Variants in CCDC163 observed in about 807,000 individuals in gnomAD.
CCDC163 encodes the protein transmembrane protein CCDC163.
In CCDC163, 13 loss-of-function variants were observed where a neutral mutation model predicts 8.2. The observed-to-expected ratio is 1.59, with a 90% confidence interval of 1.04 to 2.54. The LOEUF (loss-of-function observed/expected upper bound fraction) is 2.54, where lower values mean the gene tolerates loss of function less well. CCDC163 is among the 30% of genes most tolerant of loss of function. The pLI, the probability that CCDC163 is intolerant of heterozygous loss-of-function variation, is 0.00. For synonymous variants in CCDC163, 41 were observed against 30.9 expected (o/e 1.33, Z -1.08); for missense variants, 117 against 78.6 (o/e 1.49, Z -1.85).
chr1:45,495,840 T>C (rs1654076115), intron 4 of CCDC163, among the ~76,000 whole-genome samples: 1 of 152,052 alleles, frequency 6.6e-6, no homozygotes, highest in Non-Finnish European at 1.5e-5. Flanking sequence ...CTAATTTTTG[T>C]AGAGATGGGG....
At chr1:45,497,505 A>G in intron 2 of CCDC163, 122 bp from the exon 3 acceptor site, 1 of 606,410 alleles carries the variant, frequency 1.6e-6, no homozygotes, top group Non-Finnish European at 3.0e-6. Context: ...CAAAGGCCTC[A>G]AGAAGGCAAG....
chr1:45,494,703 T>C lies in CCDC163; in HGVS notation c.*356A>G, dbSNP rs909720174. ...TGGGCATGGTGGCTCACAACTGTAATCCCAGCACTTTGGGAGGGCGAGGCG... is the reference window on the plus strand; with the variant it reads ...TGGGCATGGTGGCTCACAACTGTAACCCCAGCACTTTGGGAGGGCGAGGCG... On this transcript the variant is annotated 3_prime_UTR_variant, in exon 5 of 5. Transcript: ENST00000629482. 2.0e-5 allele frequency: 6 copies of C among 294,398 alleles called. No individual in the cohort carries two copies. Among genetic ancestry groups the C allele is most frequent in the African/African-American group, 1.1e-4 (5 of 46,342 alleles). 18.2% of individuals were successfully genotyped at this position (294,398 alleles called of 1,614,324 possible).
At chr1:45,495,787 C>G (rs1421136073) in intron 4 of CCDC163, among the ~76,000 whole-genome samples, 1 of 151,580 alleles carries the variant, frequency 6.6e-6, no homozygotes, top group African/African-American at 2.4e-5. Context: ...CCACCTCAGC[C>G]TCTCGAGTAG....
Position 45,499,627 on chromosome 1 carries a change from C to A in CCDC163, c.-18G>T, listed in dbSNP as rs376450068. ...GTATTCATATCCTGTGGCAGGGGAGCGGCAGGGGTCTGGCTCCCTGGTGTC... is the reference window on the plus strand; with the variant it reads ...GTATTCATATCCTGTGGCAGGGGAGAGGCAGGGGTCTGGCTCCCTGGTGTC... On this transcript the variant is annotated 5_prime_UTR_variant, in exon 1 of 5. Transcript: ENST00000629482. The A allele has an allele frequency of 1.3e-6, 1 of 752,376 alleles. No individual in the cohort carries two copies. The highest frequency in any genetic ancestry group is 2.5e-5 in the East Asian group (1 of 39,790). 46.6% of individuals were successfully genotyped at this position (752,376 alleles called of 1,614,324 possible). A position where few individuals can be genotyped will look rare whatever the true frequency, so the allele number is the denominator to read the frequency against.
chr1:45,494,332 C>T lies in CCDC163; in HGVS notation c.*727G>A, dbSNP rs560143602. On this transcript the variant is annotated 3_prime_UTR_variant, in exon 5 of 5. Coordinates refer to ENST00000629482, the MANE Select transcript of CCDC163 (RefSeq NM_001102601.3). ...AATTAGCCAGGCATGATAGCGTGTG[C>T]CTGTAGTCCCATATATTATTACTTG... 2.0e-5 allele frequency: 3 copies of T among 152,236 alleles called. No homozygotes were observed. Among genetic ancestry groups the T allele is most frequent in the Non-Finnish European group, 4.4e-5 (3 of 68,200 alleles). The allele number at this position is 152,236 out of a possible 1,614,324, so 9.4% of individuals were successfully genotyped here.
intron 2 of CCDC163, among the ~76,000 whole-genome samples, chr1:45,497,741 C>T (rs1173202154): frequency 1.7e-4 from 4 of 23,002 alleles, no homozygotes; most frequent in East Asian, 1.8e-3. Context: ...CCAGCCGCCC[C>T]GTCTGGGAGG....
At chr1:45,495,527 GACA>G in intron 4 of CCDC163, 1 of 702,794 alleles carries the variant, frequency 1.4e-6, no homozygotes, top group East Asian at 2.7e-5. Context: ...GCTTAGATTG[GACA>G]ACATGAATGG....
chr1:45,497,867 C>T (rs1336833296), intron 2 of CCDC163, among the ~76,000 whole-genome samples: 11 of 147,132 alleles, frequency 7.5e-5, no homozygotes, highest in African/African-American at 1.8e-4. Flanking sequence ...GCCACCACCC[C>T]GTCTGGGAGG....
rs941585312 is a variant in CCDC163 at position 45,496,713 on chromosome 1, G to C, written c.263-90C>G. 4 of 686,570 alleles carry C rather than the reference G, an allele frequency of 5.8e-6. No individual in the cohort carries two copies. The African/African-American group carries it at 7.1e-5, about 12-fold the overall frequency. The allele number at this position is 686,570 out of a possible 1,614,324, so 42.5% of individuals were successfully genotyped here. A position where few individuals can be genotyped will look rare whatever the true frequency, so the allele number is the denominator to read the frequency against. On this transcript the variant is annotated intron_variant, in intron 3 of 4. Coordinates refer to ENST00000629482, the MANE Select transcript of CCDC163 (RefSeq NM_001102601.3). ...TGACCAGCCTGCTGCCAAAAACTGA[G>C]ACAGAAACATTCTGGCTCAGCCATT...
At position 45,499,572 on chromosome 1, in the gene CCDC163, A is replaced by T. The variant is rs1452203173; in HGVS notation, c.38T>A (p.Val13Glu). The change falls in exon 1 of 5, where the codon GTG becomes GAG. Residue 13 changes from valine (V) to glutamate (E), a missense_variant. By Grantham distance (121) the Val-to-Glu change is moderately radical. Coordinates refer to ENST00000629482, the MANE Select transcript of CCDC163 (RefSeq NM_001102601.3). The stretch of plus-strand genomic sequence containing the variant: ...ATTTCCATCAGTAGCGTTGAGAAGC[A>T]CATCCAGCTGCTCAAACCAGCTGAG... ...TSLSWFEQLD[V>E]LLNATDGNVV... The T allele has an allele frequency of 2.6e-6, 2 of 777,968 alleles. No individual in the cohort carries two copies. The highest frequency in any genetic ancestry group is 4.8e-6 in the Non-Finnish European group (2 of 416,832). 48.2% of individuals were successfully genotyped at this position (777,968 alleles called of 1,614,324 possible).
rs1237403141 is a variant in CCDC163 at position 45,499,203 on chromosome 1, G to A, written c.177+142C>T. The stretch of plus-strand genomic sequence containing the variant: ...GGTCCCCGGCTGAGGAAATAAGGAA[G>A]GGTTAAGTGCAGGGTCTGTGTGGGG... On this transcript the variant is annotated intron_variant, in intron 2 of 4. Transcript: ENST00000629482. 1.1e-5 allele frequency: 7 copies of A among 657,422 alleles called. No individual in the cohort carries two copies. The East Asian group carries it at 1.6e-4, about 15-fold the overall frequency. The allele number at this position is 657,422 out of a possible 1,614,324, so 40.7% of individuals were successfully genotyped here. A position where few individuals can be genotyped will look rare whatever the true frequency, so the allele number is the denominator to read the frequency against.
intron 4 of CCDC163, chr1:45,495,517 G>A: frequency 1.4e-6 from 1 of 702,894 alleles, no homozygotes; most frequent in East Asian, 2.7e-5. Flanking sequence ...GGCAGAGGCA[G>A]CTTAGATTGG....
chr1:45,497,665 G>A (rs1163594866), intron 2 of CCDC163, among the ~76,000 whole-genome samples: 5 of 88,374 alleles, frequency 5.7e-5, no homozygotes, highest in Admixed American at 1.5e-4. Flanking sequence ...TGGGAAGTGA[G>A]GAGCGTCTCC....
At position 45,499,632 on chromosome 1, in the gene CCDC163, G is replaced by A. The variant is rs772717347; in HGVS notation, c.-23C>T. 1.3e-6 allele frequency: 1 copy of A among 749,762 alleles called. No individual in the cohort carries two copies. Among genetic ancestry groups the A allele is most frequent in the East Asian group, 2.5e-5 (1 of 39,622 alleles). The allele number at this position is 749,762 out of a possible 1,614,324, so 46.4% of individuals were successfully genotyped here. ...CATATCCTGTGGCAGGGGAGCGGCA[G>A]GGGTCTGGCTCCCTGGTGTCTTGTG... On this transcript the variant is annotated 5_prime_UTR_variant, in exon 1 of 5. Transcript: ENST00000629482.
At chr1:45,497,637 C>T (rs1195280437) in intron 2 of CCDC163, among the ~76,000 whole-genome samples, 4 of 114,786 alleles carry the variant, frequency 3.5e-5, no homozygotes, top group Non-Finnish European at 5.2e-5. Flanking sequence ...GCAGCCTCTG[C>T]CCGGCCGCCA....
At chr1:45,497,626 T>G in intron 2 of CCDC163, among the ~76,000 whole-genome samples, 1 of 112,806 alleles carries the variant, frequency 8.9e-6, no homozygotes, top group Non-Finnish European at 1.8e-5. Flanking sequence ...GTGCCGAGAC[T>G]GCAGCCTCTG....
At chr1:45,495,549 G>C in intron 4 of CCDC163, 1 of 702,434 alleles carries the variant, frequency 1.4e-6, no homozygotes, top group Non-Finnish European at 2.6e-6. Context: ...GGAGATCCTG[G>C]AAAGGGGAAC....
intron 3 of CCDC163, 26 bp downstream of exon 3, chr1:45,497,273 T>C (rs1654239567): frequency 2.6e-6 from 2 of 771,668 alleles, no homozygotes; most frequent in African/African-American, 3.4e-5. Context: ...GAAACGCATA[T>C]TCGCCCCCAA....
At chr1:45,498,937 C>G (rs1643451896) in intron 2 of CCDC163, among the ~76,000 whole-genome samples, 2 of 152,202 alleles carry the variant, frequency 1.3e-5, no homozygotes, top group South Asian at 4.1e-4. Flanking sequence ...TTTCCCGACC[C>G]CTAGTATCCT....
Sources: gnomAD v4.1 joint callset for allele counts (sites outside exome capture counted in the v4.1 genomes callset) on GRCh38, gnomAD v4.1.1 for gene constraint, MANE v1.5 for transcripts, NCBI Gene and HGNC (gene_info 2026-07-23, HGNC 2026-07-21) for gene names.